STAG1: variants seen among roughly 807,000 people sequenced by gnomAD.
STAG1 encodes STAG1 cohesin complex component, also known as cohesin subunit SA-1.
Under a neutral mutation model 170.9 loss-of-function variants are expected in STAG1, and 26 were observed. The ratio of observed to expected loss-of-function variants is 0.15; its 90% confidence interval spans 0.11 to 0.21. The LOEUF is 0.21. Among genes scored for constraint, STAG1 ranks in the 10% least tolerant of loss-of-function variants. The probability of loss-of-function intolerance (pLI) is 1.00; values close to 1 mark genes in which losing one functional copy is unlikely to be tolerated. For synonymous variants in STAG1, 514 were observed against 497.7 expected, an observed-to-expected ratio of 1.03 and a Z score of -0.44; for missense variants, 964 against 1,509.5, an observed-to-expected ratio of 0.64 and a Z score of 5.99.
At chr3:136,633,758 G>A (rs2107840695) in intron 1 of STAG1, among the ~76,000 whole-genome samples, 1 of 145,984 alleles carries the variant, frequency 6.9e-6, no homozygotes, top group East Asian at 2.0e-4. Flanking sequence ...CGAGGCAAGA[G>A]GATCACTGGT....
chr3:136,351,447 T>C (rs959237547), intron 28 of STAG1, among the ~76,000 whole-genome samples: 1 of 152,228 alleles, frequency 6.6e-6, no homozygotes, highest in Non-Finnish European at 1.5e-5. Context: ...ATAAAAGTGC[T>C]GGGAGTTGGG....
chr3:136,747,238 A>C (rs1213601743), intron 1 of STAG1, among the ~76,000 whole-genome samples: 1 of 149,038 alleles, frequency 6.7e-6, no homozygotes, highest in Non-Finnish European at 1.5e-5. Context: ...ATGCCACTGC[A>C]CTCCAGCCTG....
At chr3:136,745,046 C>T (rs1934867084) in intron 1 of STAG1, among the ~76,000 whole-genome samples, 1 of 152,106 alleles carries the variant, frequency 6.6e-6, no homozygotes, top group Admixed American at 6.6e-5. Flanking sequence ...AGTATTATTT[C>T]ATGAAACTTA....
chr3:136,380,520 G>A lies in STAG1; in HGVS notation c.2278-2768C>T, dbSNP rs574025067. The stretch of plus-strand genomic sequence containing the variant: ...CTCACTAAGTGCTAGGATTACAGGC[G>A]TGAGCCACCGTGCCCAGCCAGGGAT... On this transcript the variant is annotated intron_variant, in intron 22 of 33. Coordinates refer to ENST00000383202, the MANE Select transcript of STAG1 (RefSeq NM_005862.3). Among the ~76,000 whole-genome samples the A allele has an allele frequency of 1.7e-4, 26 of 152,172 alleles. No individual in the cohort carries two copies. The South Asian group carries it at 5.0e-3, about 29-fold the overall frequency.
chr3:136,391,022 TCAA>T (rs2086994511), intron 22 of STAG1, among the ~76,000 whole-genome samples: 1 of 152,220 alleles, frequency 6.6e-6, no homozygotes, highest in Non-Finnish European at 1.5e-5. Context: ...TGTTTGCAGG[TCAA>T]CAAGTTGGAA....
Position 136,472,444 on chromosome 3 carries a change from C to G in STAG1, c.1174G>C (p.Glu392Gln). ...TLDKEYDVAV[E>Q]AIRLVTLILH... ...ATCAGAGTAACCAATCGAATAGCTT[C>G]CACAGCAACATCATATTCTTTATCA... Residue 392 changes from glutamate to glutamine, a missense_variant, in exon 12 of 34, where the codon GAA becomes CAA. Physicochemically the swap from Glu to Gln is conservative, Grantham distance 29. Around this residue, in one of 11 missense-constraint regions of STAG1, gnomAD observed 162 missense variants for 211.2 expected, o/e 0.77. Coordinates refer to ENST00000383202, the MANE Select transcript of STAG1 (RefSeq NM_005862.3). The G allele has an allele frequency of 6.2e-7, 1 of 1,612,828 alleles. No homozygotes were observed. The highest frequency in any genetic ancestry group is 1.1e-5 in the South Asian group (1 of 91,014).
chr3:136,396,308 C>T (rs1231671418), intron 22 of STAG1, among the ~76,000 whole-genome samples: 1 of 148,532 alleles, frequency 6.7e-6, no homozygotes, highest in Non-Finnish European at 1.5e-5. Context: ...AGCTCCACTT[C>T]CTGGGCTCCG....
At chr3:136,351,974 A>T (rs1160894374) in intron 28 of STAG1, among the ~76,000 whole-genome samples, 1 of 152,200 alleles carries the variant, frequency 6.6e-6, no homozygotes. Flanking sequence ...AAAGGAAAAA[A>T]GATCTGAGCA....
chr3:136,589,290 G>A (rs1559895155), intron 4 of STAG1, among the ~76,000 whole-genome samples: 1 of 152,032 alleles, frequency 6.6e-6, no homozygotes, highest in Non-Finnish European at 1.5e-5. Context: ...CCTGAGGTCA[G>A]GAGTTCGAGA....
rs761982022 is a variant in STAG1 at position 136,421,149 on chromosome 3, A to G, written c.2052T>C (p.Asp684=). The G allele has an allele frequency of 5.0e-6, 8 of 1,608,018 alleles. 1 individual carries two copies. The South Asian group carries it at 7.8e-5, about 16-fold the overall frequency. ...EDLLQEGEEA[D]DDDIYNVLST... is the part of the protein sequence containing the mutation. ...AAAGAACATTGTAAATGTCATCATC[A>G]TCAGCTTCTTCTCCCTATAAAAAAA... The change falls in exon 20 of 34, where the codon GAT becomes GAC. Residue 684 remains aspartate, a synonymous_variant. Transcript: ENST00000383202.
At chr3:136,560,514 C>T (rs1473997822) in intron 5 of STAG1, among the ~76,000 whole-genome samples, 1 of 152,178 alleles carries the variant, frequency 6.6e-6, no homozygotes, top group Non-Finnish European at 1.5e-5. Context: ...TATGAATTTA[C>T]ATAGCTTTAG....
chr3:136,466,504 A>G (rs540402156), intron 12 of STAG1, among the ~76,000 whole-genome samples: 18 of 152,308 alleles, frequency 1.2e-4, no homozygotes, highest in East Asian at 9.6e-4. Flanking sequence ...GGGACTACGT[A>G]AAAAGACCAA....
At chr3:136,546,354 AT>A (rs1936154963) in intron 5 of STAG1, among the ~76,000 whole-genome samples, 1 of 152,176 alleles carries the variant, frequency 6.6e-6, no homozygotes, top group South Asian at 2.1e-4. Flanking sequence ...CCTATGAACC[AT>A]TTTAAAACAT....
intron 28 of STAG1, among the ~76,000 whole-genome samples, chr3:136,352,188 G>T (rs1560051605): frequency 6.6e-6 from 1 of 151,990 alleles, no homozygotes; most frequent in Non-Finnish European, 1.5e-5. Context: ...TTGAGATAAG[G>T]TCTCACTCTG....
intron 8 of STAG1, among the ~76,000 whole-genome samples, chr3:136,502,283 A>T (rs1256675741): frequency 6.6e-6 from 1 of 151,970 alleles, no homozygotes. Flanking sequence ...ACCAGCTAGT[A>T]TGTAGCCTTT....
At chr3:136,743,871 T>C (rs1654214094) in intron 1 of STAG1, among the ~76,000 whole-genome samples, 1 of 152,202 alleles carries the variant, frequency 6.6e-6, no homozygotes, top group African/African-American at 2.4e-5. Context: ...CATAATACAC[T>C]GTGACCAAGT....
At chr3:136,467,153 T>C (rs569779266) in intron 12 of STAG1, among the ~76,000 whole-genome samples, 14 of 152,202 alleles carry the variant, frequency 9.2e-5, no homozygotes, top group Admixed American at 2.0e-4. Flanking sequence ...AATTCAAACA[T>C]AACAATATTA....
chr3:136,525,329 T>G lies in STAG1; in HGVS notation c.472-3912A>C, dbSNP rs552869761. On this transcript the variant is annotated intron_variant, in intron 6 of 33. Transcript: ENST00000383202. ...TCTTCCTGGTTTAGTCTTGGGAGGG[T>G]GTATGTGTCCAGGAATTTATCCATT... Among the ~76,000 whole-genome samples, 140 of 152,124 alleles carry G rather than the reference T, an allele frequency of 9.2e-4. 1 individual carries two copies. Among genetic ancestry groups the G allele is most frequent in the Non-Finnish European group, 1.5e-3 (99 of 68,022 alleles).
intron 2 of STAG1, among the ~76,000 whole-genome samples, chr3:136,629,699 T>C (rs534838183): frequency 6.6e-6 from 1 of 152,100 alleles, no homozygotes; most frequent in East Asian, 1.9e-4. Context: ...CAATCAGAGG[T>C]TCTCTCTTGA....
Sources: allele counts gnomAD v4.1 joint callset (sites outside exome capture counted in the v4.1 genomes callset), GRCh38; gene constraint gnomAD v4.1.1; regional missense constraint gnomAD v4.1.1; transcripts MANE v1.5; gene names NCBI Gene and HGNC (gene_info 2026-07-23, HGNC 2026-07-21).